Variants in PSD3 observed in about 807,000 individuals in gnomAD.
PSD3 encodes PH and SEC7 domain-containing protein 3.
Under a neutral mutation model 105.5 loss-of-function variants are expected in PSD3, and 49 were observed. The ratio of observed to expected loss-of-function variants is 0.46; its 90% CI spans 0.37 to 0.59. PSD3 has a LOEUF of 0.59. Among genes scored for constraint, PSD3 ranks in the 20% least tolerant of loss-of-function variants. PSD3 has a pLI of 0.00. For missense variants in PSD3, 1,561 were observed against 1,263.8 expected (o/e 1.24, Z -3.57); for synonymous variants, 557 against 457.8 (o/e 1.22, Z -2.77).
intron 1 of PSD3, among the ~76,000 whole-genome samples, chr8:19,061,586 T>A (rs1320644569): frequency 2.0e-5 from 3 of 152,052 alleles, no homozygotes; most frequent in East Asian, 3.9e-4. Context: ...GGTGGGCGGA[T>A]CAAGAGGTCA....
chr8:18,923,721 C>T (rs986086565), intron 2 of PSD3, among the ~76,000 whole-genome samples: 4 of 152,028 alleles, frequency 2.6e-5, no homozygotes, highest in African/African-American at 7.2e-5. Flanking sequence ...AAGATGAAAT[C>T]GCTTTATGAC....
At chr8:18,942,909 T>G (rs116489483) in intron 1 of PSD3, among the ~76,000 whole-genome samples, 2,137 of 152,338 alleles carry the variant, frequency 0.014, 39 homozygotes, top group African/African-American at 0.049. Context: ...AACAAGCCCC[T>G]GCTATTCCCT....
intron 2 of PSD3, among the ~76,000 whole-genome samples, chr8:18,930,008 T>G (rs1444341113): frequency 6.6e-6 from 1 of 152,050 alleles, no homozygotes; most frequent in Non-Finnish European, 1.5e-5. Context: ...TTAAAAGACA[T>G]AGAAGATTGA....
chr8:18,651,706 T>A lies in PSD3; in HGVS notation c.2216+3936A>T, dbSNP rs570613597. ...GTAAAATGGAAGCTTAAGGCTGAGATCATACTTCTGGTTAGCAAGATCAGA... is the reference window on the plus strand; with the variant it reads ...GTAAAATGGAAGCTTAAGGCTGAGAACATACTTCTGGTTAGCAAGATCAGA... On this transcript the variant is annotated intron_variant, in intron 10 of 15. Transcript: ENST00000327040. Among the ~76,000 whole-genome samples the A allele has an allele frequency of 5.3e-5, 8 of 152,260 alleles. No homozygotes were observed. The South Asian group carries it at 1.2e-3, about 24-fold the overall frequency.
At chr8:18,617,251 C>T (rs1397326477) in intron 11 of PSD3, among the ~76,000 whole-genome samples, 1 of 152,056 alleles carries the variant, frequency 6.6e-6, no homozygotes, top group South Asian at 2.1e-4. Flanking sequence ...TTTCTACTGG[C>T]CGGGCATGGT....
intron 1 of PSD3, among the ~76,000 whole-genome samples, chr8:19,066,012 G>T (rs1296125483): frequency 1.3e-5 from 2 of 152,116 alleles, no homozygotes; most frequent in Non-Finnish European, 2.9e-5. Context: ...CTGGGAAATG[G>T]GTTTGAATAC....
At chr8:18,620,464 C>T (rs1323331037) in intron 11 of PSD3, among the ~76,000 whole-genome samples, 1 of 151,694 alleles carries the variant, frequency 6.6e-6, no homozygotes, top group East Asian at 1.9e-4. Context: ...AATCCCAGCA[C>T]TTTGGGAGGC....
chr8:18,789,908 A>T (rs138775343), intron 8 of PSD3, among the ~76,000 whole-genome samples: 1 of 152,314 alleles, frequency 6.6e-6, no homozygotes, highest in Non-Finnish European at 1.5e-5. Flanking sequence ...GTGCCAATGT[A>T]AAAAGCTTAC....
At chr8:18,618,104 C>T (rs182364452) in intron 11 of PSD3, among the ~76,000 whole-genome samples, 2 of 152,250 alleles carry the variant, frequency 1.3e-5, no homozygotes, top group Admixed American at 6.5e-5. Context: ...CCCACCACCC[C>T]CTCAACTTAA....
At chr8:19,056,690 T>G (rs888709598) in intron 1 of PSD3, among the ~76,000 whole-genome samples, 1 of 152,212 alleles carries the variant, frequency 6.6e-6, no homozygotes, top group African/African-American at 2.4e-5. Context: ...AGGTTCCACA[T>G]TGGGAAGCTA....
At chr8:18,997,767 G>A (rs935299369) in intron 1 of PSD3, among the ~76,000 whole-genome samples, 8 of 130,532 alleles carry the variant, frequency 6.1e-5, no homozygotes, top group East Asian at 5.1e-4. Context: ...CCCTCTTCCC[G>A]GTGCACTTAC....
At chr8:18,875,696 TG>T (rs1177021865) in intron 2 of PSD3, among the ~76,000 whole-genome samples, 1 of 152,076 alleles carries the variant, frequency 6.6e-6, no homozygotes, top group Non-Finnish European at 1.5e-5. Context: ...TCACCATGCC[TG>T]GCTAATTTTT....
chr8:19,050,139 G>A (rs1828469609), intron 1 of PSD3, among the ~76,000 whole-genome samples: 1 of 152,184 alleles, frequency 6.6e-6, no homozygotes, highest in African/African-American at 2.4e-5. Context: ...GCTCTGCTAA[G>A]TTAGTCTTTG....
At chr8:18,657,229 G>A (rs1444743719) in intron 9 of PSD3, among the ~76,000 whole-genome samples, 2 of 152,112 alleles carry the variant, frequency 1.3e-5, no homozygotes, top group East Asian at 1.9e-4. Context: ...TCATTCAAGT[G>A]TTTACATGTG....
chr8:18,540,822 C>T (rs1800111270), intron 15 of PSD3, among the ~76,000 whole-genome samples: 1 of 152,142 alleles, frequency 6.6e-6, no homozygotes. Context: ...CCTTCTCAAC[C>T]AGGAATCCTT....
intron 9 of PSD3, among the ~76,000 whole-genome samples, chr8:18,752,490 A>ATT (rs1805580861): frequency 6.1e-5 from 1 of 16,340 alleles, no homozygotes; most frequent in Non-Finnish European, 1.7e-4. Context: ...TATTATATAT[A>ATT]TAATATATAT....
At chr8:18,700,871 T>C (rs372111627) in intron 9 of PSD3, among the ~76,000 whole-genome samples, 15 of 152,346 alleles carry the variant, frequency 9.8e-5, no homozygotes, top group Middle Eastern at 3.4e-3. Flanking sequence ...AGAGTCACTT[T>C]ACATCTCCAG....
chr8:18,584,335 C>G (rs566622821), intron 12 of PSD3, among the ~76,000 whole-genome samples: 1 of 152,264 alleles, frequency 6.6e-6, no homozygotes, highest in South Asian at 2.1e-4. Context: ...GAAGTCATAA[C>G]AGTTAGAGAC....
chr8:18,712,390 AAAG>A lies in PSD3; in HGVS notation c.2172+53056_2172+53058del, dbSNP rs1346375818. Among the ~76,000 whole-genome samples, 8 of 152,286 alleles carry A rather than the reference AAAG, an allele frequency of 5.3e-5. No homozygotes were observed. In the East Asian group the frequency reaches 1.2e-3, roughly 22 times the overall value. On this transcript the variant is annotated intron_variant, in intron 9 of 15. Transcript: ENST00000327040. Reference sequence around the variant, plus strand: ...TAGATGAACCACTAGCTAGAACAATAAAGAAGAAAAAATAATTGAATACACACA... The same window carrying A: ...TAGATGAACCACTAGCTAGAACAATAAAGAAAAAATAATTGAATACACACA...
Sources: gnomAD v4.1 joint callset for allele counts (sites outside exome capture counted in the v4.1 genomes callset) on GRCh38, gnomAD v4.1.1 for gene constraint, MANE v1.5 for transcripts, NCBI Gene and HGNC (gene_info 2026-07-23, HGNC 2026-07-21) for gene names.